HS2ST1: variants seen among roughly 807,000 people sequenced by gnomAD.
HS2ST1 encodes heparan sulfate 2-O-sulfotransferase 1.
Under a neutral mutation model 42.9 loss-of-function variants are expected in HS2ST1, and 18 were observed. The ratio of observed to expected loss-of-function variants is 0.42; its 90% CI spans 0.29 to 0.62. The LOEUF (loss-of-function observed/expected upper bound fraction) is 0.62. HS2ST1 is among the 20% of genes least tolerant of loss of function. The pLI is 0.21. For missense variants in HS2ST1, 334 were observed against 433.8 expected, an observed-to-expected ratio of 0.77 and a Z score of 2.04; for synonymous variants, 146 against 152.9, an observed-to-expected ratio of 0.95 and a Z score of 0.33.
Position 86,941,833 on chromosome 1 carries a change from C to T in HS2ST1, c.124+26673C>T, listed in dbSNP as rs1194096006. ...AAAGCCCCTGGTACCTGCTACTGAACCTGTTTTCCTCTGTTCTGCTCACAG... is the reference window on the plus strand; with the variant it reads ...AAAGCCCCTGGTACCTGCTACTGAATCTGTTTTCCTCTGTTCTGCTCACAG... On this transcript the variant is annotated intron_variant, in intron 1 of 6. Transcript: ENST00000370550. 2.0e-5 allele frequency among the ~76,000 whole-genome samples: 3 copies of T among 152,124 alleles called. No individual in the cohort carries two copies. The East Asian group carries it at 5.8e-4, about 29-fold the overall frequency.
At chr1:87,074,114 G>A (rs1441509589) in intron 2 of HS2ST1, among the ~76,000 whole-genome samples, 2 of 152,184 alleles carry the variant, frequency 1.3e-5, no homozygotes, top group Non-Finnish European at 2.9e-5. Flanking sequence ...CTAGAGAGCT[G>A]TTTGTAAAGG....
intron 1 of HS2ST1, among the ~76,000 whole-genome samples, chr1:87,018,756 T>G (rs1456722273): frequency 3.9e-5 from 6 of 152,208 alleles, no homozygotes; most frequent in Admixed American, 3.9e-4. Flanking sequence ...CATTCCGTTT[T>G]AGTTCTAAGG....
At chr1:87,008,850 A>G (rs545732577) in intron 1 of HS2ST1, among the ~76,000 whole-genome samples, 1 of 150,662 alleles carries the variant, frequency 6.6e-6, no homozygotes, top group Non-Finnish European at 1.5e-5. Context: ...GTTTTGTTTT[A>G]TTTATTTATT....
intron 5 of HS2ST1, among the ~76,000 whole-genome samples, chr1:87,102,675 T>C (rs1194052812): frequency 6.6e-6 from 1 of 152,240 alleles, no homozygotes; most frequent in Non-Finnish European, 1.5e-5. Context: ...GTTAATTGTA[T>C]TTCTTTAGTA....
chr1:87,039,632 T>G (rs1650471455), intron 1 of HS2ST1, among the ~76,000 whole-genome samples: 2 of 152,204 alleles, frequency 1.3e-5, no homozygotes, highest in Admixed American at 6.5e-5. Flanking sequence ...TTTATCCTTA[T>G]ATCAGTTCAG....
intron 1 of HS2ST1, among the ~76,000 whole-genome samples, chr1:86,919,782 T>A (rs1660252062): frequency 6.6e-6 from 1 of 152,210 alleles, no homozygotes; most frequent in African/African-American, 2.4e-5. Context: ...TTTAGTAACA[T>A]AACGTGCAGA....
chr1:87,037,536 A>G (rs964380360), intron 1 of HS2ST1, among the ~76,000 whole-genome samples: 2 of 151,904 alleles, frequency 1.3e-5, no homozygotes, highest in Admixed American at 6.6e-5. Flanking sequence ...ATATTTAGCT[A>G]TCCTTCTAAA....
intron 1 of HS2ST1, among the ~76,000 whole-genome samples, chr1:86,985,383 T>TATATATATAC (rs1413099470): frequency 2.2e-5 from 1 of 44,748 alleles, no homozygotes; most frequent in African/African-American, 5.1e-5. Context: ...TATATATATA[T>TATATATATAC]ACACACACAC....
At chr1:86,994,536 C>T (rs1649044083) in intron 1 of HS2ST1, among the ~76,000 whole-genome samples, 2 of 152,084 alleles carry the variant, frequency 1.3e-5, no homozygotes, top group Non-Finnish European at 2.9e-5. Context: ...ATTTGTTACA[C>T]AAAGAGGTTA....
chr1:87,098,008 G>A, intron 5 of HS2ST1, 73 bp downstream of exon 5: 1 of 1,598,530 alleles, frequency 6.3e-7, no homozygotes, highest in South Asian at 1.1e-5. Flanking sequence ...CATTTCACAA[G>A]GGCTAGATAT....
chr1:87,092,435 T>C (rs1473578710), intron 3 of HS2ST1, 96 bp from the exon 4 acceptor site: 1 of 668,138 alleles, frequency 1.5e-6, no homozygotes, highest in Non-Finnish European at 2.2e-6. Context: ...TTTTTCCTTA[T>C]AGGACCAGTA....
intron 1 of HS2ST1, among the ~76,000 whole-genome samples, chr1:87,034,658 G>GTGTAAAGTATATGTATATATACT (rs1473109113): frequency 3.3e-5 from 5 of 152,148 alleles, no homozygotes; most frequent in African/African-American, 4.8e-5. Context: ...TTGAGAAACT[G>GTGTAAAGTATATGTATATATACT]TTACAGTGTA....
intron 1 of HS2ST1, among the ~76,000 whole-genome samples, chr1:86,930,136 G>A (rs1026711930): frequency 6.6e-6 from 1 of 151,744 alleles, no homozygotes; most frequent in Non-Finnish European, 1.5e-5. Context: ...AGGAATTATA[G>A]CATTATTCTT....
intron 1 of HS2ST1, among the ~76,000 whole-genome samples, chr1:86,957,401 T>A (rs1310518151): frequency 6.6e-6 from 1 of 152,232 alleles, no homozygotes; most frequent in African/African-American, 2.4e-5. Context: ...AGTCTTATGC[T>A]TAACCACTTT....
chr1:87,025,168 A>C (rs1178016847), intron 1 of HS2ST1, among the ~76,000 whole-genome samples: 4 of 97,982 alleles, frequency 4.1e-5, no homozygotes, highest in Admixed American at 1.3e-4. Context: ...AGCAGCTAAC[A>C]CTTCTGGAAC....
chr1:86,998,698 TCTTA>T (rs1649181392), intron 1 of HS2ST1, among the ~76,000 whole-genome samples: 1 of 152,212 alleles, frequency 6.6e-6, no homozygotes, highest in South Asian at 2.1e-4. Context: ...TCAGAATTTA[TCTTA>T]CTTTTGCTGT....
chr1:87,008,948 A>G (rs1649516543), intron 1 of HS2ST1, among the ~76,000 whole-genome samples: 1 of 152,060 alleles, frequency 6.6e-6, no homozygotes, highest in Admixed American at 6.6e-5. Context: ...GACTCAAGTG[A>G]TCCGCCTGCC....
At chr1:86,960,669 C>G (rs1308981946) in intron 1 of HS2ST1, among the ~76,000 whole-genome samples, 1 of 152,266 alleles carries the variant, frequency 6.6e-6, no homozygotes, top group African/African-American at 2.4e-5. Flanking sequence ...GCAAGCATTT[C>G]AAAAGATGTT....
At chr1:86,961,458 G>A (rs1448791401) in intron 1 of HS2ST1, among the ~76,000 whole-genome samples, 2 of 152,036 alleles carry the variant, frequency 1.3e-5, no homozygotes, top group African/African-American at 4.8e-5. Context: ...TCTGTGGAAG[G>A]GAGAATCAAG....
Sources: allele counts gnomAD v4.1 joint callset (sites outside exome capture counted in the v4.1 genomes callset), GRCh38; gene constraint gnomAD v4.1.1; transcripts MANE v1.5; gene names NCBI Gene and HGNC (gene_info 2026-07-23, HGNC 2026-07-21).